KDM7A: variants seen among roughly 807,000 people sequenced by gnomAD.
KDM7A encodes the protein lysine-specific demethylase 7A.
Under a neutral mutation model 114.8 loss-of-function variants are expected in KDM7A, and 28 were observed. The ratio of observed to expected loss-of-function variants is 0.24; its 90% CI spans 0.18 to 0.33. The LOEUF (loss-of-function observed/expected upper bound fraction) is 0.33. Ranked by LOEUF, KDM7A falls within the 10% of genes least tolerant of loss-of-function variation. The pLI is 1.00. For missense variants in KDM7A, 942 were observed against 1,142.5 expected, an observed-to-expected ratio of 0.82 and a Z score of 2.53; for synonymous variants, 423 against 397.8, an observed-to-expected ratio of 1.06 and a Z score of -0.75.
At chr7:140,115,387 G>A (rs567428533) in intron 9 of KDM7A, among the ~76,000 whole-genome samples, 48 of 152,370 alleles carry the variant, frequency 3.2e-4, no homozygotes, top group Non-Finnish European at 5.7e-4. Flanking sequence ...AGAGAAATCA[G>A]ATTGTTGCTG....
intron 1 of KDM7A, among the ~76,000 whole-genome samples, chr7:140,156,236 G>C (rs894956754): frequency 1.3e-5 from 2 of 152,104 alleles, no homozygotes; most frequent in Non-Finnish European, 2.9e-5. Flanking sequence ...AAGTAAGAAA[G>C]CAGCTTTCAT....
At chr7:140,101,428 C>T (rs1818223209) in intron 12 of KDM7A, among the ~76,000 whole-genome samples, 1 of 152,160 alleles carries the variant, frequency 6.6e-6, no homozygotes, top group Admixed American at 6.5e-5. Flanking sequence ...ACCACGTAAC[C>T]ATTTGACTTC....
At position 140,133,659 on chromosome 7, in the gene KDM7A, G is replaced by A. The variant is rs1430766384; in HGVS notation, c.281-3C>T. 3 of 1,540,608 alleles carry A rather than the reference G, an allele frequency of 1.9e-6. No individual in the cohort carries two copies. The South Asian group carries it at 3.5e-5, about 18-fold the overall frequency. On this transcript the variant is annotated splice_region_variant and splice_polypyrimidine_tract_variant and intron_variant, in intron 2 of 19. Transcript: ENST00000397560. Reference sequence around the variant, plus strand: ...GTGCCAGTTCCTCCTTTTTTTCACTGGATTTTTAAAAGATTAAAAAAAAAT... The same window carrying A: ...GTGCCAGTTCCTCCTTTTTTTCACTAGATTTTTAAAAGATTAAAAAAAAAT...
At chr7:140,105,629 G>C (rs565221230) in intron 11 of KDM7A, among the ~76,000 whole-genome samples, 4 of 152,168 alleles carry the variant, frequency 2.6e-5, no homozygotes, top group Non-Finnish European at 5.9e-5. Context: ...TGCATCCCAG[G>C]GATGAAGCTG....
intron 9 of KDM7A, among the ~76,000 whole-genome samples, chr7:140,117,349 C>A (rs1481026550): frequency 6.6e-6 from 1 of 151,654 alleles, no homozygotes; most frequent in African/African-American, 2.4e-5. Context: ...GCTTCACGAG[C>A]AATGGCAAGA....
rs1218898786 is a variant in KDM7A at position 140,086,350 on chromosome 7, A to G, written c.*4744T>C. Reference sequence around the variant, plus strand: ...GGCACCAGGGGGAAGGGGAGAACCTAAGGATATTGCAAAAGAGTATTATTT... The same window carrying G: ...GGCACCAGGGGGAAGGGGAGAACCTGAGGATATTGCAAAAGAGTATTATTT... On this transcript the variant is annotated 3_prime_UTR_variant, in exon 20 of 20. Transcript: ENST00000397560. 6.6e-6 allele frequency: 1 copy of G among 152,232 alleles called. No individual in the cohort carries two copies. The highest frequency in any genetic ancestry group is 1.5e-5 in the Non-Finnish European group (1 of 68,036). The allele number at this position is 152,232 out of a possible 1,614,324, so 9.4% of individuals were successfully genotyped here. A position where few individuals can be genotyped will look rare whatever the true frequency, so the allele number is the denominator to read the frequency against.
intron 10 of KDM7A, 62 bp downstream of exon 10, chr7:140,113,427 AAG>A: frequency 1.0e-6 from 1 of 966,828 alleles, no homozygotes; most frequent in Non-Finnish European, 1.6e-6. Flanking sequence ...AAAATAGCAC[AAG>A]GACTCTGTTT....
At position 140,091,859 on chromosome 7, in the gene KDM7A, G is replaced by A. The variant is rs1378573868; in HGVS notation, c.2676C>T (p.His892=). Residue 892 remains histidine (H), a synonymous_variant, in exon 19 of 20, where the codon CAC becomes CAT. Coordinates refer to ENST00000397560, the MANE Select transcript of KDM7A (RefSeq NM_030647.2). The part of the protein sequence containing the change: ...VGETSFSVPL[H]PTKRPASNPP... ...GATTTGATGCCGGTCTCTTGGTGGG[G>A]TGAAGGGGCACCGAGAAGGAAGTTT... The A allele has an allele frequency of 6.2e-7, 1 of 1,613,880 alleles. No homozygotes were observed. Among genetic ancestry groups the A allele is most frequent in the South Asian group, 1.1e-5 (1 of 91,052 alleles).
chr7:140,124,717 A>G lies in KDM7A; in HGVS notation c.955T>C (p.Ser319Pro). 1 of 1,613,336 alleles carries G rather than the reference A, an allele frequency of 6.2e-7. No homozygotes were observed. Among genetic ancestry groups the G allele is most frequent in the South Asian group, 1.1e-5 (1 of 91,014 alleles). ...ENLARYESWS[S>P]SVTQSEVFFG... ...AACACCTCACTCTGGGTCACAGATG[A>G]ACTCCAAGATTCATAACGTGCCAAA... Residue 319 changes from serine (S) to proline (P), a missense_variant, in exon 7 of 20, where the codon TCA becomes CCA. Coordinates refer to ENST00000397560, the MANE Select transcript of KDM7A (RefSeq NM_030647.2).
rs1277332441 is a variant in KDM7A, at chr7:140,098,865, T to C, written c.1918+14A>G. On this transcript the variant is annotated intron_variant, in intron 14 of 19. Transcript: ENST00000397560. The stretch of plus-strand genomic sequence containing the variant: ...AATCAAAAGATCTTTAAAATAACCA[T>C]TAAAAAAACATACCATTCAGTGGTT... The C allele has an allele frequency of 6.3e-7, 1 of 1,594,256 alleles. No individual in the cohort carries two copies. The highest frequency in any genetic ancestry group is 1.3e-5 in the African/African-American group (1 of 74,088).
rs1817953842 is a variant in KDM7A at position 140,087,738 on chromosome 7, C to T, written c.*3356G>A. ...AGGTCTTCTGCTTCCTTGCATGCTA[C>T]ACCAAGTCCCTGTATGACCATATTA... is the stretch of plus-strand genomic sequence containing the variant. On this transcript the variant is annotated 3_prime_UTR_variant, in exon 20 of 20. Transcript: ENST00000397560. The T allele has an allele frequency of 6.6e-6, 1 of 152,192 alleles. No individual in the cohort carries two copies. Among genetic ancestry groups the T allele is most frequent in the Non-Finnish European group, 1.5e-5 (1 of 68,026 alleles). The allele number at this position is 152,192 out of a possible 1,614,324, so 9.4% of individuals were successfully genotyped here. A position where few individuals can be genotyped will look rare whatever the true frequency, so the allele number is the denominator to read the frequency against.
At chr7:140,127,666 TATG>T (rs1393354796) in intron 4 of KDM7A, 83 bp from the exon 5 acceptor site, 35 of 1,160,748 alleles carry the variant, frequency 3.0e-5, no homozygotes, top group Non-Finnish European at 3.9e-5. Context: ...TTTAACTTGG[TATG>T]ATAATTAAAC....
intron 7 of KDM7A, among the ~76,000 whole-genome samples, chr7:140,123,706 A>G (rs1299652358): frequency 6.6e-6 from 1 of 152,202 alleles, no homozygotes; most frequent in East Asian, 1.9e-4. Flanking sequence ...GGGATGCTCA[A>G]CCTGTATATC....
intron 6 of KDM7A, 117 bp from the exon 7 acceptor site, chr7:140,124,900 T>C: frequency 3.0e-6 from 2 of 668,026 alleles, no homozygotes; most frequent in South Asian, 4.1e-5. Context: ...ATCAGATTCT[T>C]TTAGGTTCAA....
At chr7:140,114,727 G>A (rs1241330830) in intron 9 of KDM7A, among the ~76,000 whole-genome samples, 10 of 150,674 alleles carry the variant, frequency 6.6e-5, no homozygotes, top group South Asian at 6.3e-4. Flanking sequence ...AGTGAGGAGC[G>A]TCTCTGCCCG....
At chr7:140,107,224 C>A (rs970919941) in intron 11 of KDM7A, among the ~76,000 whole-genome samples, 20 of 152,112 alleles carry the variant, frequency 1.3e-4, no homozygotes, top group African/African-American at 4.6e-4. Context: ...ACTCTTTATC[C>A]TATTTGCCGG....
chr7:140,147,619 A>G (rs1362125723), intron 1 of KDM7A, among the ~76,000 whole-genome samples: 1 of 152,132 alleles, frequency 6.6e-6, no homozygotes, highest in Non-Finnish European at 1.5e-5. Context: ...GTGTACCCCT[A>G]AAGTCCCACA....
rs1048954298 is a variant in KDM7A, at chr7:140,090,759, A to G, written c.*335T>C. The stretch of plus-strand genomic sequence containing the variant: ...TTAACTTTAAAAAAAAATCTGTTAA[A>G]TAAATTATTGATAATTCTTTACCCT... On this transcript the variant is annotated 3_prime_UTR_variant, in exon 20 of 20. Coordinates refer to ENST00000397560, the MANE Select transcript of KDM7A (RefSeq NM_030647.2). 3 of 243,490 alleles carry G rather than the reference A, an allele frequency of 1.2e-5. No individual in the cohort carries two copies. The highest frequency in any genetic ancestry group is 1.3e-3 in the Middle Eastern group (1 of 798). 15.1% of individuals were successfully genotyped at this position (243,490 alleles called of 1,614,324 possible).
In KDM7A at chr7:140,133,636, G is replaced by A. The variant is rs1818825267; in HGVS notation, c.301C>T (p.His101Tyr). ...SSLMKKRRNW[H>Y]RHDYTEIDDG... Reference sequence around the variant, plus strand: ...TCAATTTCTGTGTAGTCATGTCTGTGCCAGTTCCTCCTTTTTTTCACTGGA... The same window carrying A: ...TCAATTTCTGTGTAGTCATGTCTGTACCAGTTCCTCCTTTTTTTCACTGGA... Residue 101 changes from histidine (H) to tyrosine (Y), a missense_variant, in exon 3 of 20, where the codon CAC becomes TAC. His to Tyr is a moderately conservative substitution (Grantham distance 83). Around this residue, in one of 4 missense-constraint regions of KDM7A, gnomAD observed 318 missense variants for 453.1 expected, o/e 0.70. Coordinates refer to ENST00000397560, the MANE Select transcript of KDM7A (RefSeq NM_030647.2). 3.1e-6 allele frequency: 5 copies of A among 1,601,706 alleles called. No homozygotes were observed. Among genetic ancestry groups the A allele is most frequent in the Non-Finnish European group, 4.3e-6 (5 of 1,172,210 alleles).
Sources: gnomAD v4.1 joint callset for allele counts (sites outside exome capture counted in the v4.1 genomes callset) on GRCh38, gnomAD v4.1.1 for gene constraint, gnomAD v4.1.1 regional missense constraint, MANE v1.5 for transcripts, NCBI Gene and HGNC (gene_info 2026-07-23, HGNC 2026-07-21) for gene names.